KMT2C: variants seen among roughly 807,000 people sequenced by gnomAD.
KMT2C encodes lysine methyltransferase 2C, also known as histone-lysine N-methyltransferase 2C.
KMT2C carries 88 observed loss-of-function variants against 507.9 expected under a neutral mutation model. The ratio of observed to expected loss-of-function variants is 0.17; its 90% CI spans 0.15 to 0.21. KMT2C has a LOEUF of 0.21. Among genes scored for constraint, KMT2C ranks in the 10% least tolerant of loss-of-function variants. KMT2C has a pLI of 1.00. For missense variants in KMT2C, 4,954 were observed against 5,957.8 expected (o/e 0.83, Z 5.55); for synonymous variants, 2,049 against 2,080.8 (o/e 0.98, Z 0.42).
intron 2 of KMT2C, among the ~76,000 whole-genome samples, chr7:152,357,975 T>C (rs1446915094): frequency 1.3e-5 from 2 of 152,162 alleles, no homozygotes; most frequent in South Asian, 4.1e-4. Context: ...ACTTTACCAA[T>C]GAGAGACTAT....
intron 39 of KMT2C, among the ~76,000 whole-genome samples, chr7:152,172,092 T>G (rs563643755): frequency 6.8e-4 from 103 of 152,244 alleles, no homozygotes; most frequent in Non-Finnish European, 1.1e-3. Flanking sequence ...ATATTACTAT[T>G]TAAGTACTAT....
chr7:152,235,943 A>G lies in KMT2C; in HGVS notation c.2653-10T>C, dbSNP rs2129155606. 6.3e-7 allele frequency: 1 copy of G among 1,591,510 alleles called. No individual in the cohort carries two copies. Among genetic ancestry groups the G allele is most frequent in the Non-Finnish European group, 8.6e-7 (1 of 1,164,254 alleles). On this transcript the variant is annotated splice_polypyrimidine_tract_variant and intron_variant, in intron 15 of 58. Coordinates refer to ENST00000262189, the MANE Select transcript of KMT2C (RefSeq NM_170606.3). ...ATCCAGACCCACGGCCCTATGTAAC[A>G]GATTGGGAAAAGTCAACATTCTGTG...
At chr7:152,160,875 C>T (rs913217806) in intron 43 of KMT2C, among the ~76,000 whole-genome samples, 4 of 151,798 alleles carry the variant, frequency 2.6e-5, no homozygotes, top group African/African-American at 9.7e-5. Flanking sequence ...ACAGAAATCG[C>T]TATGTGAGAA....
At chr7:152,327,230 T>C (rs762604757) in intron 3 of KMT2C, among the ~76,000 whole-genome samples, 8 of 152,258 alleles carry the variant, frequency 5.3e-5, no homozygotes, top group Non-Finnish European at 1.2e-4. Flanking sequence ...TTTCCACTGA[T>C]AGGCCATGAT....
At chr7:152,244,666 T>TC (rs1554573578) in intron 14 of KMT2C, among the ~76,000 whole-genome samples, 1 of 152,238 alleles carries the variant, frequency 6.6e-6, no homozygotes, top group Admixed American at 6.5e-5. Flanking sequence ...CTGTTACTTC[T>TC]CCTACCTTAT....
chr7:152,410,374 C>G (rs75297790), intron 1 of KMT2C, among the ~76,000 whole-genome samples: 13 of 148,430 alleles, frequency 8.8e-5, no homozygotes, highest in Non-Finnish European at 1.6e-4. Flanking sequence ...ATCGCGCCCT[C>G]GCACTCCAGC....
intron 1 of KMT2C, among the ~76,000 whole-genome samples, chr7:152,418,791 C>T (rs994875046): frequency 1.5e-4 from 23 of 151,140 alleles, no homozygotes; most frequent in African/African-American, 4.9e-4. Flanking sequence ...ATTAACAATA[C>T]GGAAATTTTC....
At chr7:152,271,867 T>C (rs1403166127) in intron 7 of KMT2C, among the ~76,000 whole-genome samples, 1 of 152,128 alleles carries the variant, frequency 6.6e-6, no homozygotes, top group Non-Finnish European at 1.5e-5. Context: ...TATTATTATA[T>C]CATTATATCA....
intron 1 of KMT2C, among the ~76,000 whole-genome samples, chr7:152,426,975 T>C (rs1249350203): frequency 6.6e-6 from 1 of 152,154 alleles, no homozygotes; most frequent in Admixed American, 6.5e-5. Context: ...AATGCATAAA[T>C]GTATACTGAA....
intron 6 of KMT2C, among the ~76,000 whole-genome samples, chr7:152,301,321 G>A (rs1589035896): frequency 6.6e-6 from 1 of 151,652 alleles, no homozygotes; most frequent in African/African-American, 2.4e-5. Context: ...TGGCCCACAC[G>A]GTGAAACTCC....
chr7:152,389,385 C>CAGT (rs2097468398), intron 1 of KMT2C, among the ~76,000 whole-genome samples: 1 of 121,918 alleles, frequency 8.2e-6, no homozygotes, highest in Admixed American at 8.0e-5. Context: ...CTGTCACTTA[C>CAGT]GTCACTCAGT....
intron 37 of KMT2C, 82 bp from the exon 38 acceptor site, chr7:152,178,092 T>C (rs1034050104): frequency 1.6e-4 from 202 of 1,286,972 alleles, no homozygotes; most frequent in Non-Finnish European, 2.0e-4. Context: ...AAAAGAAAAG[T>C]CTTCAATTAA....
intron 6 of KMT2C, among the ~76,000 whole-genome samples, chr7:152,277,920 T>C (rs1002705122): frequency 1.3e-5 from 2 of 152,216 alleles, no homozygotes; most frequent in East Asian, 1.9e-4. Context: ...ATGCAAAATA[T>C]ACTACATAAC....
At chr7:152,347,523 T>C (rs1368886325) in intron 2 of KMT2C, among the ~76,000 whole-genome samples, 1 of 152,238 alleles carries the variant, frequency 6.6e-6, no homozygotes, top group Non-Finnish European at 1.5e-5. Context: ...TTTGCAACAC[T>C]TGAGTTCACT....
chr7:152,218,701 A>T (rs1588310304), intron 23 of KMT2C, among the ~76,000 whole-genome samples: 1 of 151,974 alleles, frequency 6.6e-6, no homozygotes, highest in East Asian at 1.9e-4. Context: ...TGGTTGTGTG[A>T]GATATACTGA....
chr7:152,201,514 A>G (rs2094139886), intron 26 of KMT2C, among the ~76,000 whole-genome samples: 1 of 151,762 alleles, frequency 6.6e-6, no homozygotes. Context: ...CACTTTACAG[A>G]AGGATCAATA....
At chr7:152,178,066 T>C (rs1487958693) in intron 37 of KMT2C, 56 bp from the exon 38 acceptor site, 2 of 1,325,474 alleles carry the variant, frequency 1.5e-6, no homozygotes, top group African/African-American at 3.3e-5. Context: ...ATGTTAAATT[T>C]AGAGTTAAGT....
chr7:152,345,347 T>A (rs2097048021), intron 2 of KMT2C, among the ~76,000 whole-genome samples: 1 of 151,944 alleles, frequency 6.6e-6, no homozygotes, highest in Non-Finnish European at 1.5e-5. Flanking sequence ...GAAGCTGAGG[T>A]GCGAGGATGG....
chr7:152,380,274 C>CAAAAA (rs1011902608), intron 1 of KMT2C, among the ~76,000 whole-genome samples: 5 of 79,262 alleles, frequency 6.3e-5, no homozygotes, highest in African/African-American at 2.4e-4. Flanking sequence ...AAAAACAAAA[C>CAAAAA]AAAAAAAACT....
Sources: gnomAD v4.1 joint callset for allele counts (sites outside exome capture counted in the v4.1 genomes callset) on GRCh38, gnomAD v4.1.1 for gene constraint, MANE v1.5 for transcripts, NCBI Gene and HGNC (gene_info 2026-07-23, HGNC 2026-07-21) for gene names.